The following XYLT1 variants were observed in gnomAD, a reference collection of about 807,000 sequenced individuals.
XYLT1 encodes the protein beta-D-xylosyltransferase 1.
A neutral mutation model predicts 91.3 loss-of-function variants in XYLT1; 36 were observed. That is an observed-to-expected ratio of 0.39 (90% confidence interval 0.30 to 0.52). XYLT1 has a LOEUF of 0.52. Ranked by LOEUF, XYLT1 falls within the 20% of genes least tolerant of loss-of-function variation. The pLI is 0.68. For missense variants in XYLT1, 1,242 were observed against 1,284.5 expected, an observed-to-expected ratio of 0.97 and a Z score of 0.51; for synonymous variants, 588 against 532.0, an observed-to-expected ratio of 1.11 and a Z score of -1.45.
intron 1 of XYLT1, among the ~76,000 whole-genome samples, chr16:17,426,493 C>G (rs1001615843): frequency 1.3e-5 from 2 of 152,104 alleles, no homozygotes; most frequent in African/African-American, 4.8e-5. Flanking sequence ...TTGCAGTGAG[C>G]TGAGATCTCA....
chr16:17,401,941 T>A (rs1240977894), intron 1 of XYLT1, among the ~76,000 whole-genome samples: 1 of 152,120 alleles, frequency 6.6e-6, no homozygotes, highest in Admixed American at 6.6e-5. Context: ...ATAAGGTGCA[T>A]CAACGCAGTG....
At position 17,102,765 on chromosome 16, in the gene XYLT1, T is replaced by TTC. The variant is rs5815951; in HGVS notation, c.*5929_*5930insGA. Reference sequence around the variant, plus strand: ...CTTTTTTTAAAACTTTATTTACAGATTTTTTTTAAAATCAACACATTACAA... The same window carrying TTC: ...CTTTTTTTAAAACTTTATTTACAGATTCTTTTTTTAAAATCAACACATTACAA... On this transcript the variant is annotated 3_prime_UTR_variant, in exon 12 of 12. Coordinates refer to ENST00000261381, the MANE Select transcript of XYLT1 (RefSeq NM_022166.4). The TTC allele has an allele frequency of 0.62, 94,656 of 152,176 alleles. 31,841 individuals are homozygous for TTC. Among genetic ancestry groups the TTC allele is most frequent in the African/African-American group, 0.89 (36,831 of 41,430 alleles). The allele number at this position is 152,176 out of a possible 1,614,324, so 9.4% of individuals were successfully genotyped here.
At chr16:17,238,468 A>G (rs536503086) in intron 3 of XYLT1, among the ~76,000 whole-genome samples, 1 of 152,340 alleles carries the variant, frequency 6.6e-6, no homozygotes, top group South Asian at 2.1e-4. Flanking sequence ...TGAGGTTGGA[A>G]AGTAGCCACA....
At chr16:17,118,413 T>G (rs1490746173) in intron 10 of XYLT1, among the ~76,000 whole-genome samples, 3 of 152,168 alleles carry the variant, frequency 2.0e-5, no homozygotes, top group Non-Finnish European at 2.9e-5. Context: ...CACCTCCACT[T>G]GGTGCAATGG....
intron 1 of XYLT1, among the ~76,000 whole-genome samples, chr16:17,376,779 A>T (rs1310524901): frequency 1.5e-5 from 2 of 136,058 alleles, no homozygotes; most frequent in East Asian, 5.1e-4. Context: ...GTGAGCCGAG[A>T]TTGTGCCATT....
intron 2 of XYLT1, among the ~76,000 whole-genome samples, chr16:17,332,684 C>T (rs1375985329): frequency 1.3e-5 from 2 of 151,926 alleles, no homozygotes; most frequent in Non-Finnish European, 2.9e-5. Context: ...TAGAGGTCAG[C>T]TTGCAACACA....
intron 2 of XYLT1, among the ~76,000 whole-genome samples, chr16:17,332,561 CACACAT>C (rs992879302): frequency 3.4e-5 from 4 of 117,228 alleles, no homozygotes; most frequent in African/African-American, 9.2e-5. Context: ...GAGTCCATCA[CACACAT>C]ACACACACAC....
rs532690715 is a variant in XYLT1 at position 17,290,503 on chromosome 16, G to A, written c.403-31005C>T. 7.2e-5 allele frequency among the ~76,000 whole-genome samples: 11 copies of A among 152,342 alleles called. No homozygotes were observed. The East Asian group carries it at 9.6e-4, about 13-fold the overall frequency. ...GCCTTACAGGCAGGGGCCTTCAACCGCATGGAAGTACCAGCAGATCCTGTG... is the reference window on the plus strand; with the variant it reads ...GCCTTACAGGCAGGGGCCTTCAACCACATGGAAGTACCAGCAGATCCTGTG... On this transcript the variant is annotated intron_variant, in intron 2 of 11. Transcript: ENST00000261381.
intron 1 of XYLT1, among the ~76,000 whole-genome samples, chr16:17,397,037 T>C (rs146741326): frequency 6.6e-6 from 1 of 152,314 alleles, no homozygotes; most frequent in African/African-American, 2.4e-5. Context: ...CACAGTTCAG[T>C]AGTTGCCAAG....
At chr16:17,390,802 G>C (rs1201483823) in intron 1 of XYLT1, among the ~76,000 whole-genome samples, 1 of 152,212 alleles carries the variant, frequency 6.6e-6, no homozygotes, top group Non-Finnish European at 1.5e-5. Flanking sequence ...TTGGGAGCCT[G>C]AGATTGGTGG....
chr16:17,176,904 A>G (rs947311016), intron 5 of XYLT1, among the ~76,000 whole-genome samples: 1 of 150,668 alleles, frequency 6.6e-6, no homozygotes, highest in Non-Finnish European at 1.5e-5. Context: ...CAATCTCATC[A>G]TGGCATTTTC....
intron 1 of XYLT1, among the ~76,000 whole-genome samples, chr16:17,461,963 T>G (rs1354896402): frequency 1.3e-5 from 2 of 152,208 alleles, no homozygotes; most frequent in African/African-American, 2.4e-5. Flanking sequence ...CAGTGTTTGG[T>G]GCATTCGATA....
At chr16:17,376,538 G>A (rs545912342) in intron 1 of XYLT1, among the ~76,000 whole-genome samples, 5 of 152,138 alleles carry the variant, frequency 3.3e-5, no homozygotes, top group South Asian at 2.1e-4. Context: ...TTAAAGAACA[G>A]GGACCTGGCT....
chr16:17,199,706 C>G (rs1330258102), intron 4 of XYLT1, among the ~76,000 whole-genome samples: 1 of 152,178 alleles, frequency 6.6e-6, no homozygotes, highest in African/African-American at 2.4e-5. Flanking sequence ...ATTTTTCTCT[C>G]TTGCTGCCGC....
intron 11 of XYLT1, among the ~76,000 whole-genome samples, chr16:17,110,025 C>T (rs1966831758): frequency 6.6e-6 from 1 of 152,194 alleles, no homozygotes; most frequent in South Asian, 2.1e-4. Flanking sequence ...GTGCCAGTCA[C>T]TTTGTGAAGC....
rs1345018984 is a variant in XYLT1, at chr16:17,108,801, G to A, written c.2774C>T (p.Thr925Ile). ...TAMDICATGP[T>I]ACPVMQTCSQ... ...GCAGGTCTGCATGACCGGGCAGGCT[G>A]TGGGGCCCGTGGCACAGATGTCCAT... Residue 925 changes from threonine to isoleucine, a missense_variant, in exon 12 of 12, where the codon ACA becomes ATA. Coordinates refer to ENST00000261381, the MANE Select transcript of XYLT1 (RefSeq NM_022166.4). The A allele has an allele frequency of 6.2e-7, 1 of 1,611,906 alleles. No homozygotes were observed. The highest frequency in any genetic ancestry group is 1.1e-5 in the South Asian group (1 of 91,032).
At chr16:17,133,977 G>A (rs1482501554) in intron 9 of XYLT1, among the ~76,000 whole-genome samples, 1 of 152,186 alleles carries the variant, frequency 6.6e-6, no homozygotes, top group Non-Finnish European at 1.5e-5. Flanking sequence ...TGAAATGATA[G>A]GATGTCTGGG....
chr16:17,121,517 G>A (rs2030054050), intron 10 of XYLT1, among the ~76,000 whole-genome samples: 1 of 152,054 alleles, frequency 6.6e-6, no homozygotes, highest in Admixed American at 6.6e-5. Flanking sequence ...ACTGCTCCCT[G>A]GCTTCCAACC....
At chr16:17,150,806 A>G (rs1376897511) in intron 6 of XYLT1, among the ~76,000 whole-genome samples, 1 of 152,212 alleles carries the variant, frequency 6.6e-6, no homozygotes, top group Admixed American at 6.5e-5. Context: ...ATAGAAAATA[A>G]AGAGACAGGG....
Sources: gnomAD v4.1 joint callset for allele counts (sites outside exome capture counted in the v4.1 genomes callset) on GRCh38, gnomAD v4.1.1 for gene constraint, MANE v1.5 for transcripts, NCBI Gene and HGNC (gene_info 2026-07-23, HGNC 2026-07-21) for gene names.